The following SUPT3H variants were observed in gnomAD, a reference collection of about 807,000 sequenced individuals.
The protein encoded by SUPT3H is SPT3 homolog, SAGA and STAGA complex component.
A neutral mutation model predicts 44.3 loss-of-function variants in SUPT3H; 44 were observed. That is an observed-to-expected ratio of 0.99 (90% confidence interval 0.78 to 1.28). SUPT3H has a LOEUF of 1.28. Among genes scored for constraint, SUPT3H ranks in the 50% most tolerant of loss-of-function variants. The pLI is 0.00. For synonymous variants in SUPT3H, 124 were observed against 125.6 expected (o/e 0.99, Z 0.09); for missense variants, 380 against 387.1 (o/e 0.98, Z 0.15).
At position 45,170,808 on chromosome 6, in the gene SUPT3H, A is replaced by G. The variant is rs140175926; in HGVS notation, c.102-64802T>C. ...ACAGCTGTCATTTCTAACTATTAAC[A>G]TAAGAATGCTAGCATAATTTCTCTC... On this transcript the variant is annotated intron_variant, in intron 2 of 10. Coordinates refer to ENST00000371459, the MANE Select transcript of SUPT3H (RefSeq NM_003599.4). 6.3e-3 allele frequency among the ~76,000 whole-genome samples: 962 copies of G among 152,318 alleles called. 15 individuals carry two copies. The highest frequency in any genetic ancestry group is 0.02 in the African/African-American group (836 of 41,572).
Position 45,187,618 on chromosome 6 carries a change from A to C in SUPT3H, c.102-81612T>G, listed in dbSNP as rs563562029. ...GGAAAAGACACTTTTCTTCCCAAAC[A>C]CATCAATTTTATATAATCTGTTCCA... On this transcript the variant is annotated intron_variant, in intron 2 of 10. Transcript: ENST00000371459. Among the ~76,000 whole-genome samples the C allele has an allele frequency of 1.8e-4, 27 of 152,308 alleles. No homozygotes were observed. In the Middle Eastern group the frequency reaches 0.01, roughly 58 times the overall value.
chr6:44,823,690 G>A (rs1217401847), downstream of SUPT3H, among the ~76,000 whole-genome samples: 5 of 152,188 alleles, frequency 3.3e-5, no homozygotes, highest in Non-Finnish European at 5.9e-5. Context: ...GGCCAGGCAC[G>A]GTGGCTCACG....
chr6:45,133,102 A>G (rs974985789), intron 2 of SUPT3H, among the ~76,000 whole-genome samples: 7 of 152,192 alleles, frequency 4.6e-5, no homozygotes, highest in African/African-American at 7.2e-5. Flanking sequence ...TGACCTTGAC[A>G]TGCTTATTTC....
intron 2 of SUPT3H, among the ~76,000 whole-genome samples, chr6:45,173,710 T>C (rs1432981965): frequency 6.6e-6 from 1 of 152,188 alleles, no homozygotes; most frequent in East Asian, 1.9e-4. Flanking sequence ...CTTATCAGCA[T>C]AGAGCCAGAA....
intron 2 of SUPT3H, among the ~76,000 whole-genome samples, chr6:45,217,383 G>A (rs998686947): frequency 6.6e-6 from 1 of 151,910 alleles, no homozygotes; most frequent in African/African-American, 2.4e-5. Context: ...GCTGAGGCAA[G>A]ACAATCACTT....
intron 11 of SUPT3H, among the ~76,000 whole-genome samples, chr6:44,813,204 AAGACAAGGTCTTGATC>A (rs1426506380): frequency 6.6e-6 from 1 of 152,182 alleles, no homozygotes; most frequent in African/African-American, 2.4e-5. Flanking sequence ...GAGTTTCTTT[AAGACAAGGTCTTGATC>A]TGTCATCCAG....
rs56329630 is a variant in SUPT3H at position 44,843,927 on chromosome 6, GCACACACACACACACA to G, written c.913-14086_913-14071del. 1.4e-5 allele frequency among the ~76,000 whole-genome samples: 2 copies of G among 148,006 alleles called. 1 individual carries two copies. Among genetic ancestry groups the G allele is most frequent in the Middle Eastern group, 6.5e-3 (2 of 310 alleles). On this transcript the variant is annotated intron_variant, in intron 10 of 10. Coordinates refer to ENST00000371459, the MANE Select transcript of SUPT3H (RefSeq NM_003599.4). ...CAAACACACACACACACACACACAC[GCACACACACACACACA>G]CACACACACACACACATGCACAGAA...
intron 2 of SUPT3H, among the ~76,000 whole-genome samples, chr6:45,142,761 A>AAAAAAAAAG (rs1805439269): frequency 6.7e-6 from 1 of 149,594 alleles, no homozygotes; most frequent in Non-Finnish European, 1.5e-5. Context: ...AAAAAAAAAA[A>AAAAAAAAAG]AAAGCAGAAT....
At chr6:45,309,322 A>C (rs1260642052) in intron 2 of SUPT3H, among the ~76,000 whole-genome samples, 1 of 151,512 alleles carries the variant, frequency 6.6e-6, no homozygotes, top group Non-Finnish European at 1.5e-5. Flanking sequence ...AAATTATAAA[A>C]AGAAACAAAT....
At chr6:45,328,087 T>A (rs1237132715) in intron 2 of SUPT3H, 1 of 313,850 alleles carries the variant, frequency 3.2e-6, no homozygotes, top group Non-Finnish European at 6.1e-6. Context: ...CAAATCCTCA[T>A]GAGTCACAAA....
chr6:45,375,487 G>A (rs557797586), intron 1 of SUPT3H, among the ~76,000 whole-genome samples: 29 of 152,206 alleles, frequency 1.9e-4, no homozygotes, highest in African/African-American at 6.3e-4. Context: ...GATTTAACTC[G>A]TGAGCTTTAA....
At chr6:45,307,868 T>C (rs527768580) in intron 2 of SUPT3H, among the ~76,000 whole-genome samples, 1 of 152,264 alleles carries the variant, frequency 6.6e-6, no homozygotes, top group African/African-American at 2.4e-5. Flanking sequence ...GAAATAAGAT[T>C]AGACAAATGG....
intron 4 of SUPT3H, among the ~76,000 whole-genome samples, chr6:45,018,541 G>T: frequency 6.6e-6 from 1 of 152,082 alleles, no homozygotes; most frequent in East Asian, 1.9e-4. Flanking sequence ...AATTTATTGA[G>T]CGTTTTTAGC....
At chr6:45,058,038 A>C (rs983845522) in intron 3 of SUPT3H, among the ~76,000 whole-genome samples, 1 of 152,160 alleles carries the variant, frequency 6.6e-6, no homozygotes, top group Non-Finnish European at 1.5e-5. Flanking sequence ...CTAAGTTAAA[A>C]GTATCTTTTT....
intron 6 of SUPT3H, among the ~76,000 whole-genome samples, chr6:44,968,046 G>T (rs150682928): frequency 0.013 from 2,027 of 152,110 alleles, 49 homozygotes; most frequent in African/African-American, 0.046. Context: ...TCCTGCCTCG[G>T]CCTCCCAAAG....
At chr6:45,072,307 A>G (rs1794489464) in intron 3 of SUPT3H, among the ~76,000 whole-genome samples, 1 of 152,210 alleles carries the variant, frequency 6.6e-6, no homozygotes. Flanking sequence ...GAAAAAAAAG[A>G]CACAATGAAA....
chr6:45,171,443 A>G (rs1187735700), intron 2 of SUPT3H, among the ~76,000 whole-genome samples: 2 of 152,192 alleles, frequency 1.3e-5, no homozygotes, highest in Non-Finnish European at 2.9e-5. Flanking sequence ...CCAACACTGA[A>G]TAAATATAAA....
At chr6:44,948,519 A>G (rs1347881663) in intron 9 of SUPT3H, among the ~76,000 whole-genome samples, 1 of 152,226 alleles carries the variant, frequency 6.6e-6, no homozygotes, top group Non-Finnish European at 1.5e-5. Context: ...TCCAGAATCT[A>G]CAAAGAACTT....
At chr6:44,899,940 T>C (rs904437058) in intron 10 of SUPT3H, among the ~76,000 whole-genome samples, 1 of 152,226 alleles carries the variant, frequency 6.6e-6, no homozygotes, top group African/African-American at 2.4e-5. Flanking sequence ...ATAATGTCAT[T>C]GTTTTCTTGC....
Sources: allele counts gnomAD v4.1 joint callset (sites outside exome capture counted in the v4.1 genomes callset), GRCh38; gene constraint gnomAD v4.1.1; transcripts MANE v1.5; gene names NCBI Gene and HGNC (gene_info 2026-07-23, HGNC 2026-07-21).